Variants in SGCZ observed in about 807,000 individuals in gnomAD.
SGCZ encodes the protein zeta-sarcoglycan.
A neutral mutation model predicts 41.3 loss-of-function variants in SGCZ; 40 were observed. That is an observed-to-expected ratio of 0.97 (90% CI 0.75 to 1.26). The LOEUF is 1.26. SGCZ is among the 50% of genes most tolerant of loss of function. The probability of loss-of-function intolerance (pLI) is 0.00; values close to 1 mark genes in which losing one functional copy is unlikely to be tolerated. For missense variants in SGCZ, 552 were observed against 369.8 expected, an observed-to-expected ratio of 1.49 and a Z score of -4.04; for synonymous variants, 206 against 137.5, an observed-to-expected ratio of 1.50 and a Z score of -3.49.
At chr8:15,112,940 G>T (rs1483764490) in intron 1 of SGCZ, among the ~76,000 whole-genome samples, 1 of 151,882 alleles carries the variant, frequency 6.6e-6, no homozygotes, top group Non-Finnish European at 1.5e-5. Flanking sequence ...AAAGAAAAAT[G>T]AAAAAAAGCA....
intron 1 of SGCZ, among the ~76,000 whole-genome samples, chr8:14,763,876 T>C (rs1799962355): frequency 6.6e-6 from 1 of 152,184 alleles, no homozygotes; most frequent in Non-Finnish European, 1.5e-5. Context: ...AGTTTCTCTA[T>C]GGGAGCAAAA....
At chr8:14,833,702 C>T (rs1192587072) in intron 1 of SGCZ, among the ~76,000 whole-genome samples, 2 of 152,012 alleles carry the variant, frequency 1.3e-5, no homozygotes, top group East Asian at 3.9e-4. Context: ...TATTTTTCTG[C>T]TATAGGAAGA....
At chr8:14,446,593 A>T (rs1800438588) in intron 2 of SGCZ, among the ~76,000 whole-genome samples, 1 of 152,182 alleles carries the variant, frequency 6.6e-6, no homozygotes, top group Admixed American at 6.5e-5. Context: ...TGTGCTACAA[A>T]ATGCTTAACT....
In SGCZ at chr8:14,435,308, A is replaced by G. The variant is rs182732381; in HGVS notation, c.235-111104T>C. On this transcript the variant is annotated intron_variant, in intron 2 of 7. Coordinates refer to ENST00000382080, the MANE Select transcript of SGCZ (RefSeq NM_139167.4). Reference sequence around the variant, plus strand: ...CCTTTGTTCACCTATTAAAATCCCAATCATCATTTAGGGTTCATTTCAATA... The same window carrying G: ...CCTTTGTTCACCTATTAAAATCCCAGTCATCATTTAGGGTTCATTTCAATA... 2.8e-3 allele frequency among the ~76,000 whole-genome samples: 424 copies of G among 152,204 alleles called. 4 individuals are homozygous for G. The highest frequency in any genetic ancestry group is 6.8e-3 in the Middle Eastern group (2 of 294).
intron 2 of SGCZ, among the ~76,000 whole-genome samples, chr8:14,540,893 CT>C (rs1803445237): frequency 6.6e-6 from 1 of 151,430 alleles, no homozygotes; most frequent in South Asian, 2.1e-4. Context: ...TTATATTTGC[CT>C]TAACTGTTCT....
intron 1 of SGCZ, among the ~76,000 whole-genome samples, chr8:14,680,876 C>T (rs1223074039): frequency 6.9e-6 from 1 of 144,358 alleles, no homozygotes; most frequent in Non-Finnish European, 1.5e-5. Context: ...ATTAACAGCA[C>T]ATTGGACACT....
intron 3 of SGCZ, among the ~76,000 whole-genome samples, chr8:14,294,282 AG>A (rs1475963173): frequency 2.0e-5 from 3 of 151,922 alleles, no homozygotes; most frequent in Non-Finnish European, 4.4e-5. Context: ...AGAGAAAGGT[AG>A]AAATATGTCA....
chr8:14,354,772 G>A (rs77176877), intron 2 of SGCZ, among the ~76,000 whole-genome samples: 1,828 of 151,644 alleles, frequency 0.012, 35 homozygotes, highest in African/African-American at 0.04. Flanking sequence ...AACATCTAAA[G>A]CTAAAAAACA....
At chr8:15,076,605 G>A (rs1805539536) in intron 1 of SGCZ, among the ~76,000 whole-genome samples, 1 of 151,936 alleles carries the variant, frequency 6.6e-6, no homozygotes. Context: ...CTAGGATTTG[G>A]CTGCCTTCTT....
chr8:14,360,358 G>C (rs1803465672), intron 2 of SGCZ, among the ~76,000 whole-genome samples: 1 of 151,142 alleles, frequency 6.6e-6, no homozygotes, highest in African/African-American at 2.4e-5. Context: ...TTTTGAGACA[G>C]TGTCTTGCTC....
chr8:14,106,153 T>C (rs894439728), intron 6 of SGCZ, among the ~76,000 whole-genome samples: 9 of 152,204 alleles, frequency 5.9e-5, no homozygotes, highest in Non-Finnish European at 1.0e-4. Context: ...CAAATACTTA[T>C]TGCAACTAGG....
chr8:14,479,889 G>C (rs1169502648), intron 2 of SGCZ, among the ~76,000 whole-genome samples: 2 of 149,410 alleles, frequency 1.3e-5, no homozygotes, highest in African/African-American at 4.9e-5. Context: ...GGGATTACAG[G>C]CGTGCACTAG....
chr8:14,273,317 A>G (rs886170454), intron 3 of SGCZ, among the ~76,000 whole-genome samples: 5 of 152,132 alleles, frequency 3.3e-5, no homozygotes, highest in African/African-American at 1.2e-4. Context: ...AAATGACCTA[A>G]TATTTCCTTC....
intron 1 of SGCZ, among the ~76,000 whole-genome samples, chr8:15,145,561 G>A (rs1404118389): frequency 1.3e-5 from 2 of 152,104 alleles, no homozygotes; most frequent in Non-Finnish European, 2.9e-5. Context: ...GGAACTCCTG[G>A]ATTTGAGTAA....
At position 14,140,499 on chromosome 8, in the gene SGCZ, A is replaced by C. The variant is rs112770805; in HGVS notation, c.547+24081T>G. Among the ~76,000 whole-genome samples, 63 of 152,306 alleles carry C rather than the reference A, an allele frequency of 4.1e-4. 2 individuals carry two copies. The highest frequency in any genetic ancestry group is 1.4e-3 in the African/African-American group (57 of 41,558). ...TCAGGATACAAAATCAATGTACAAA[A>C]ATCACAAGCATTCTTATACATCAAT... is the stretch of plus-strand genomic sequence containing the variant. On this transcript the variant is annotated intron_variant, in intron 5 of 7. Transcript: ENST00000382080.
chr8:14,659,126 T>G (rs543373502), intron 1 of SGCZ, among the ~76,000 whole-genome samples: 7 of 152,288 alleles, frequency 4.6e-5, no homozygotes, highest in African/African-American at 1.7e-4. Context: ...AGTTTAAAGT[T>G]TAGTTACATT....
intron 2 of SGCZ, among the ~76,000 whole-genome samples, chr8:14,466,962 T>A (rs1801069019): frequency 6.6e-6 from 1 of 151,804 alleles, no homozygotes; most frequent in African/African-American, 2.4e-5. Flanking sequence ...CAAGAACAGT[T>A]TTTTTTATTT....
intron 1 of SGCZ, among the ~76,000 whole-genome samples, chr8:14,700,112 C>A (rs1484853542): frequency 6.6e-6 from 1 of 151,766 alleles, no homozygotes; most frequent in East Asian, 1.9e-4. Context: ...GGGCATATAC[C>A]CAAAAAGAAA....
chr8:14,511,230 G>GT (rs56395721), intron 2 of SGCZ, among the ~76,000 whole-genome samples: 151,138 of 151,896 alleles, frequency 1, 75,200 homozygotes, highest in Middle Eastern at 1. Context: ...AGTCCCTGTA[G>GT]GGAAAGCCTG....
Sources: allele counts gnomAD v4.1 joint callset (sites outside exome capture counted in the v4.1 genomes callset), GRCh38; gene constraint gnomAD v4.1.1; transcripts MANE v1.5; gene names NCBI Gene and HGNC (gene_info 2026-07-23, HGNC 2026-07-21).